Variants in LIMK1 observed in about 807,000 individuals in gnomAD.
LIMK1 encodes the protein LIM motif-containing protein kinase.
A neutral mutation model predicts 77.6 loss-of-function variants in LIMK1; 21 were observed. The observed-to-expected ratio is 0.27, with a 90% CI of 0.19 to 0.39. The LOEUF (loss-of-function observed/expected upper bound fraction) is 0.39. LIMK1 is among the 10% of genes least tolerant of loss of function. LIMK1 has a pLI of 1.00. For missense variants in LIMK1, 696 were observed against 901.6 expected (o/e 0.77, Z 2.92); for synonymous variants, 358 against 370.0 (o/e 0.97, Z 0.37).
At chr7:74,120,116 T>G (rs1452597297) in intron 13 of LIMK1, among the ~76,000 whole-genome samples, 1 of 152,204 alleles carries the variant, frequency 6.6e-6, no homozygotes, top group Non-Finnish European at 1.5e-5. Context: ...CCTCCTCTTC[T>G]GCTGTGTCTT....
chr7:74,093,088 G>A (rs1372907754), intron 2 of LIMK1: 7 of 1,398,966 alleles, frequency 5.0e-6, no homozygotes, highest in African/African-American at 1.5e-5. Context: ...CAAGTCCCCT[G>A]GCACCCACGC....
chr7:74,088,801 CAAAAAAAA>C (rs145728454), intron 2 of LIMK1, among the ~76,000 whole-genome samples: 1 of 67,084 alleles, frequency 1.5e-5, no homozygotes, highest in Non-Finnish European at 2.9e-5. Flanking sequence ...GACTCCATCT[CAAAAAAAA>C]AAAAAAAAAA....
chr7:74,106,713 T>C lies in LIMK1; in HGVS notation c.882-297T>C, dbSNP rs534968560. Among the ~76,000 whole-genome samples, 166 of 152,028 alleles carry C rather than the reference T, an allele frequency of 1.1e-3. 1 individual carries two copies. Among genetic ancestry groups the C allele is most frequent in the Middle Eastern group, 3.4e-3 (1 of 292 alleles). On this transcript the variant is annotated intron_variant, in intron 7 of 15. Transcript: ENST00000336180. Reference sequence around the variant, plus strand: ...AGATGGAGGTTGCAGTGAGCCAAGGTCACGCCACTATACTCCAGCCTGGGC... The same window carrying C: ...AGATGGAGGTTGCAGTGAGCCAAGGCCACGCCACTATACTCCAGCCTGGGC...
chr7:74,118,272 G>A (rs1799858504), intron 13 of LIMK1, among the ~76,000 whole-genome samples: 1 of 151,548 alleles, frequency 6.6e-6, no homozygotes, highest in Non-Finnish European at 1.5e-5. Context: ...AGCTACCCGG[G>A]AGGCTGAGGC....
At chr7:74,089,268 G>A (rs1799193836) in intron 2 of LIMK1, among the ~76,000 whole-genome samples, 1 of 152,106 alleles carries the variant, frequency 6.6e-6, no homozygotes, top group Non-Finnish European at 1.5e-5. Flanking sequence ...CAGCCCTTTG[G>A]GAGGCGGAGG....
intron 2 of LIMK1, among the ~76,000 whole-genome samples, chr7:74,092,738 C>T (rs966563200): frequency 2.0e-5 from 3 of 152,214 alleles, no homozygotes; most frequent in African/African-American, 2.4e-5. Context: ...ATGCTGCTGG[C>T]CTGTGGGGTT....
At chr7:74,095,251 G>A (rs1584110736) in intron 2 of LIMK1, among the ~76,000 whole-genome samples, 1 of 152,078 alleles carries the variant, frequency 6.6e-6, no homozygotes, top group East Asian at 1.9e-4. Context: ...TTCTGTCCCT[G>A]TGTGACCGAC....
chr7:74,117,172 C>T (rs1554699674), intron 13 of LIMK1, among the ~76,000 whole-genome samples: 4 of 151,976 alleles, frequency 2.6e-5, no homozygotes, highest in African/African-American at 7.2e-5. Flanking sequence ...TGAGCCACCG[C>T]GCCTGGCCAA....
intron 13 of LIMK1, among the ~76,000 whole-genome samples, chr7:74,117,582 A>G (rs1293705975): frequency 2.6e-5 from 4 of 152,068 alleles, no homozygotes; most frequent in Non-Finnish European, 5.9e-5. Context: ...TTCTACAAGC[A>G]GGTGACACAT....
intron 4 of LIMK1, among the ~76,000 whole-genome samples, chr7:74,097,978 G>T (rs1799370010): frequency 1.3e-5 from 2 of 152,126 alleles, no homozygotes; most frequent in Admixed American, 1.3e-4. Flanking sequence ...CACAGCTCAG[G>T]TCCGACCAAA....
intron 5 of LIMK1, among the ~76,000 whole-genome samples, chr7:74,101,801 C>CATATATATATATATATATATAT (rs10552134): frequency 3.4e-5 from 5 of 146,114 alleles, no homozygotes; most frequent in African/African-American, 1.3e-4. Context: ...ATATGTATGT[C>CATATATATATATATATATATAT]ATATATATAT....
Position 74,084,009 on chromosome 7 carries a change from T to C in LIMK1, c.19T>C (p.Cys7Arg). Residue 7 changes from cysteine (C) to arginine (R), a missense_variant, in exon 1 of 16, where the codon TGT becomes CGT. Around this residue, in one of 3 missense-constraint regions of LIMK1, gnomAD observed 252 missense variants for 279.4 expected, o/e 0.90. Transcript: ENST00000336180. MRLTLL[C>R]CTWREERMGE... is the part of the protein sequence containing the mutation. ...CGAGTGCATGAGGTTGACGCTACTT[T>C]GTTGCACCTGGAGGGAAGAACGTAT... 1 of 1,480,120 alleles carries C rather than the reference T, an allele frequency of 6.8e-7. No individual in the cohort carries two copies. Among genetic ancestry groups the C allele is most frequent in the Non-Finnish European group, 9.0e-7 (1 of 1,108,234 alleles). 91.7% of individuals were successfully genotyped at this position (1,480,120 alleles called of 1,614,324 possible).
At chr7:74,099,387 T>G in intron 5 of LIMK1, 149 bp downstream of exon 5, 1 of 715,452 alleles carries the variant, frequency 1.4e-6, no homozygotes, top group Non-Finnish European at 2.3e-6. Context: ...TTGCCAGATT[T>G]CTGGCCCAGT....
At position 74,107,206 on chromosome 7, in the gene LIMK1, C is replaced by T; in HGVS notation, c.1065+13C>T. ...CCAGGCTATCAAGGTACAGAGCATGCCAGGGTCTCAGGGGACAGTCTGGGT... is the reference window on the plus strand; with the variant it reads ...CCAGGCTATCAAGGTACAGAGCATGTCAGGGTCTCAGGGGACAGTCTGGGT... On this transcript the variant is annotated intron_variant, in intron 8 of 15. Transcript: ENST00000336180. 3 of 1,596,430 alleles carry T rather than the reference C, an allele frequency of 1.9e-6. No individual in the cohort carries two copies. The highest frequency in any genetic ancestry group is 1.7e-6 in the Non-Finnish European group (2 of 1,171,502).
chr7:74,118,626 C>T (rs111457341), intron 13 of LIMK1, among the ~76,000 whole-genome samples: 153 of 149,368 alleles, frequency 1.0e-3, no homozygotes, highest in Non-Finnish European at 1.7e-3. Context: ...TTCGGGCGCC[C>T]GTAATCCCAG....
rs1799570563 is a variant in LIMK1, at chr7:74,106,196, T to C, written c.834T>C (p.Tyr278=). 6.2e-7 allele frequency: 1 copy of C among 1,613,892 alleles called. No homozygotes were observed. The highest frequency in any genetic ancestry group is 8.5e-7 in the Non-Finnish European group (1 of 1,180,012). Residue 278 remains tyrosine (Y), a synonymous_variant, in exon 7 of 16, where the codon TAT becomes TAC. Coordinates refer to ENST00000336180, the MANE Select transcript of LIMK1 (RefSeq NM_002314.4). ...CCAGCCCCCTGAGCTCTCCGGCTTATACTCCCAGCGGGGAGGCGGGCAGCT... is the reference window on the plus strand; with the variant it reads ...CCAGCCCCCTGAGCTCTCCGGCTTACACTCCCAGCGGGGAGGCGGGCAGCT... ...PETSPLSSPA[Y]TPSGEAGSSA...
chr7:74,106,979 G>T, intron 7 of LIMK1, 31 bp from the exon 8 acceptor site: 3 of 1,528,194 alleles, frequency 2.0e-6, no homozygotes, highest in South Asian at 2.5e-5. Context: ...CCTGTCCCCC[G>T]GTGGCACTTG....
chr7:74,096,018 G>A lies in LIMK1; in HGVS notation c.153-604G>A, dbSNP rs868973689. On this transcript the variant is annotated intron_variant, in intron 2 of 15. Coordinates refer to ENST00000336180, the MANE Select transcript of LIMK1 (RefSeq NM_002314.4). ...TCTCACTCTGTCGCCAGGCTGGAGT[G>A]CAGTGGCACAATTTTGGCTCACTGC... Among the ~76,000 whole-genome samples, 4 of 144,146 alleles carry A rather than the reference G, an allele frequency of 2.8e-5. No homozygotes were observed. In the South Asian group the frequency reaches 8.6e-4, roughly 31 times the overall value. The allele number at this position is 144,146 out of a possible 152,430, so 94.6% of individuals were successfully genotyped here.
At chr7:74,084,580 T>A (rs1016930949) in intron 1 of LIMK1, among the ~76,000 whole-genome samples, 1 of 152,058 alleles carries the variant, frequency 6.6e-6, no homozygotes, top group African/African-American at 2.4e-5. Context: ...AGAGCGGAGA[T>A]AGGCGTCCAG....
Sources: allele counts gnomAD v4.1 joint callset (sites outside exome capture counted in the v4.1 genomes callset), GRCh38; gene constraint gnomAD v4.1.1; regional missense constraint gnomAD v4.1.1; transcripts MANE v1.5; gene names NCBI Gene and HGNC (gene_info 2026-07-23, HGNC 2026-07-21).